EPHA5: variants seen among roughly 807,000 people sequenced by gnomAD.
EPHA5 encodes ephrin type-A receptor 5.
Under a neutral mutation model 105.0 loss-of-function variants are expected in EPHA5, and 60 were observed. That is an observed-to-expected ratio of 0.57 (90% CI 0.46 to 0.71). The LOEUF is 0.71. Ranked by LOEUF, EPHA5 falls within the 30% of genes least tolerant of loss-of-function variation. EPHA5 has a pLI of 0.00. For missense variants in EPHA5, 1,218 were observed against 1,274.7 expected (o/e 0.96, Z 0.68); for synonymous variants, 513 against 449.1 (o/e 1.14, Z -1.80).
Position 65,602,215 on chromosome 4 carries a change from C to A in EPHA5, c.336G>T (p.Trp112Cys), listed in dbSNP as rs1487585840. ...CKVMEQNQNNWLLTSWISNEG... is the reference protein window; with the variant it reads ...CKVMEQNQNNCLLTSWISNEG... ...CATTGGAGATCCAACTGGTCAAAAG[C>A]CAGTTATTCTGATTCTGTTCCATCA... The change falls in exon 3 of 17, where the codon TGG becomes TGT. Residue 112 changes from tryptophan (W) to cysteine (C), a missense_variant. Coordinates refer to ENST00000613740, the MANE Select transcript of EPHA5 (RefSeq NM_001281766.3). The A allele has an allele frequency of 6.2e-7, 1 of 1,613,388 alleles. No individual in the cohort carries two copies. The highest frequency in any genetic ancestry group is 1.3e-5 in the African/African-American group (1 of 74,866).
chr4:65,395,905 G>C (rs1033691760), intron 8 of EPHA5, among the ~76,000 whole-genome samples: 27 of 152,210 alleles, frequency 1.8e-4, no homozygotes, highest in African/African-American at 6.3e-4. Context: ...CGACTGGAGA[G>C]GGGGAGGTGA....
chr4:65,416,476 T>C (rs777154976), intron 6 of EPHA5, among the ~76,000 whole-genome samples: 3 of 147,700 alleles, frequency 2.0e-5, no homozygotes, highest in Non-Finnish European at 4.5e-5. Flanking sequence ...TGATGGTAAG[T>C]TCCCCCATTG....
intron 5 of EPHA5, among the ~76,000 whole-genome samples, chr4:65,482,328 G>A (rs1033465811): frequency 6.7e-6 from 1 of 149,634 alleles, no homozygotes; most frequent in Non-Finnish European, 1.5e-5. Flanking sequence ...ATAACCCACT[G>A]ATTAAATTTT....
At chr4:65,565,021 C>T (rs1333430017) in intron 3 of EPHA5, among the ~76,000 whole-genome samples, 1 of 151,500 alleles carries the variant, frequency 6.6e-6, no homozygotes, top group Non-Finnish European at 1.5e-5. Context: ...AAATATTATA[C>T]AGTTAATTAA....
At chr4:65,577,156 T>C (rs187959956) in intron 3 of EPHA5, among the ~76,000 whole-genome samples, 1 of 152,304 alleles carries the variant, frequency 6.6e-6, no homozygotes, top group African/African-American at 2.4e-5. Context: ...ATTTAAATCT[T>C]TGGATACAGA....
intron 16 of EPHA5, chr4:65,331,558 A>C (rs1254346644): frequency 9.5e-7 from 1 of 1,056,866 alleles, no homozygotes; most frequent in African/African-American, 1.7e-5. Context: ...CATCGTAGAG[A>C]GCCAAAATGT....
At chr4:65,446,975 ATTTTTTTTTTT>A (rs397993760) in intron 5 of EPHA5, among the ~76,000 whole-genome samples, 1 of 112,918 alleles carries the variant, frequency 8.9e-6, no homozygotes, top group Non-Finnish European at 1.8e-5. Flanking sequence ...TTAAAAGCTC[ATTTTTTTTTTT>A]TTTTTTTTTT....
intron 7 of EPHA5, among the ~76,000 whole-genome samples, chr4:65,408,799 A>G (rs1006573674): frequency 3.3e-5 from 5 of 151,746 alleles, no homozygotes; most frequent in African/African-American, 9.6e-5. Flanking sequence ...TCAGGGATCT[A>G]GAACTAGAAA....
intron 1 of EPHA5, among the ~76,000 whole-genome samples, chr4:65,652,094 G>A (rs568308318): frequency 6.6e-5 from 10 of 152,252 alleles, no homozygotes; most frequent in Admixed American, 6.5e-4. Flanking sequence ...GATGATATAA[G>A]AAGCTTGAAA....
intron 3 of EPHA5, among the ~76,000 whole-genome samples, chr4:65,524,828 A>G (rs181399143): frequency 8.6e-5 from 13 of 151,830 alleles, no homozygotes; most frequent in African/African-American, 3.1e-4. Context: ...GGCAGCTGAA[A>G]CCTGAGTATA....
chr4:65,586,028 G>A (rs969771130), intron 3 of EPHA5, among the ~76,000 whole-genome samples: 2 of 151,450 alleles, frequency 1.3e-5, no homozygotes, highest in African/African-American at 4.8e-5. Context: ...AGGAAAATGA[G>A]GGAAAGAAAT....
At chr4:65,382,152 T>G (rs954791400) in intron 8 of EPHA5, among the ~76,000 whole-genome samples, 1 of 151,730 alleles carries the variant, frequency 6.6e-6, no homozygotes, top group Non-Finnish European at 1.5e-5. Flanking sequence ...AAACAAAAAC[T>G]AATTCACATT....
intron 3 of EPHA5, among the ~76,000 whole-genome samples, chr4:65,561,917 G>T (rs955527256): frequency 6.6e-6 from 1 of 151,938 alleles, no homozygotes; most frequent in Non-Finnish European, 1.5e-5. Context: ...GTCTAGACTC[G>T]CATTGAGGTC....
At chr4:65,498,980 T>C (rs1457350697) in intron 3 of EPHA5, among the ~76,000 whole-genome samples, 1 of 112,086 alleles carries the variant, frequency 8.9e-6, no homozygotes, top group Non-Finnish European at 1.9e-5. Flanking sequence ...ATCAACAGGA[T>C]TTTCTTGTAG....
At chr4:65,376,889 C>T in intron 8 of EPHA5, 2 of 918,012 alleles carry the variant, frequency 2.2e-6, no homozygotes, top group Non-Finnish European at 3.1e-6. Context: ...CCTTGGGGAG[C>T]CAGTTTTATT....
chr4:65,557,990 C>A (rs939047756), intron 3 of EPHA5, among the ~76,000 whole-genome samples: 3 of 151,936 alleles, frequency 2.0e-5, no homozygotes, highest in African/African-American at 4.8e-5. Flanking sequence ...GATTCTCATG[C>A]CTAAGCTTCC....
At chr4:65,534,376 G>A (rs984105800) in intron 3 of EPHA5, among the ~76,000 whole-genome samples, 1 of 152,054 alleles carries the variant, frequency 6.6e-6, no homozygotes, top group African/African-American at 2.4e-5. Context: ...AGAATATGTG[G>A]GAGAAGTTGT....
intron 3 of EPHA5, among the ~76,000 whole-genome samples, chr4:65,522,535 A>G (rs1462183767): frequency 6.6e-6 from 1 of 151,932 alleles, no homozygotes; most frequent in Non-Finnish European, 1.5e-5. Context: ...ATTGCTTATT[A>G]ACATATAATC....
intron 3 of EPHA5, chr4:65,574,388 TA>T (rs1184338148): frequency 4.2e-6 from 3 of 714,376 alleles, no homozygotes; most frequent in African/African-American, 1.9e-5. Flanking sequence ...TAATAAAAAA[TA>T]AAAAAATAAA....
Sources: gnomAD v4.1 joint callset for allele counts (sites outside exome capture counted in the v4.1 genomes callset) on GRCh38, gnomAD v4.1.1 for gene constraint, MANE v1.5 for transcripts, NCBI Gene and HGNC (gene_info 2026-07-23, HGNC 2026-07-21) for gene names.